HVCN1: variants seen among roughly 807,000 people sequenced by gnomAD.
HVCN1 encodes voltage-gated hydrogen channel 1.
HVCN1 carries 14 observed loss-of-function variants against 29.2 expected under a neutral mutation model. The observed-to-expected ratio is 0.48, with a 90% CI of 0.32 to 0.75. The LOEUF (loss-of-function observed/expected upper bound fraction) is 0.75, where lower values mean the gene tolerates loss of function less well. Among genes scored for constraint, HVCN1 ranks in the 30% least tolerant of loss-of-function variants. The pLI is 0.04. For synonymous variants in HVCN1, 131 were observed against 133.2 expected (o/e 0.98, Z 0.11); for missense variants, 263 against 341.8 (o/e 0.77, Z 1.82).
At position 110,648,942 on chromosome 12, in the gene HVCN1, T is replaced by C. The variant is rs188817891; in HGVS notation, c.*468A>G. Reference sequence around the variant, plus strand: ...CACAGAGGAGGGGCCTGGGTACCCCTTTTGGGGAAACTGAGACGAAGCTAT... The same window carrying C: ...CACAGAGGAGGGGCCTGGGTACCCCCTTTGGGGAAACTGAGACGAAGCTAT... On this transcript the variant is annotated 3_prime_UTR_variant, in exon 8 of 8. Coordinates refer to ENST00000242607, the MANE Select transcript of HVCN1 (RefSeq NM_032369.4). The C allele has an allele frequency of 1.8e-3, 787 of 426,370 alleles. 2 individuals carry two copies. Among genetic ancestry groups the C allele is most frequent in the South Asian group, 2.6e-3 (148 of 57,976 alleles). The allele number at this position is 426,370 out of a possible 1,614,324, so 26.4% of individuals were successfully genotyped here. A position where few individuals can be genotyped will look rare whatever the true frequency, so the allele number is the denominator to read the frequency against.
chr12:110,672,911 C>G (rs1009657526), intron 3 of HVCN1, among the ~76,000 whole-genome samples: 3 of 152,170 alleles, frequency 2.0e-5, no homozygotes, highest in African/African-American at 7.2e-5. Flanking sequence ...AATTAAACCT[C>G]TTTTTCTTCC....
At chr12:110,703,304 G>C (rs185344232) in intron 1 of HVCN1, among the ~76,000 whole-genome samples, 1 of 151,242 alleles carries the variant, frequency 6.6e-6, no homozygotes, top group African/African-American at 2.4e-5. Context: ...TGGGAGGATT[G>C]CCTGAGCCCT....
chr12:110,667,512 C>T (rs2068412760), intron 3 of HVCN1, among the ~76,000 whole-genome samples: 2 of 152,196 alleles, frequency 1.3e-5, no homozygotes, highest in Non-Finnish European at 2.9e-5. Context: ...TCACTGCAGC[C>T]TTGACCTCCC....
intron 2 of HVCN1, among the ~76,000 whole-genome samples, chr12:110,683,744 C>T (rs56759833): frequency 1.3e-5 from 2 of 151,906 alleles, no homozygotes; most frequent in Non-Finnish European, 2.9e-5. Flanking sequence ...AAACCCGTCT[C>T]TACTAAAAAT....
chr12:110,670,502 G>A (rs1288350354), intron 3 of HVCN1, among the ~76,000 whole-genome samples: 2 of 152,162 alleles, frequency 1.3e-5, no homozygotes, highest in Non-Finnish European at 2.9e-5. Context: ...TCAGCATGCT[G>A]CTAACTTCCT....
chr12:110,701,131 T>G (rs185220604), intron 2 of HVCN1, among the ~76,000 whole-genome samples: 2 of 149,002 alleles, frequency 1.3e-5, no homozygotes, highest in East Asian at 3.9e-4. Context: ...CTGCGCCCAG[T>G]GCTACCCTGG....
rs562593046 is a variant in HVCN1, at chr12:110,671,130, C to T, written c.22-9682G>A. On this transcript the variant is annotated intron_variant, in intron 3 of 7. Coordinates refer to ENST00000242607, the MANE Select transcript of HVCN1 (RefSeq NM_032369.4). ...TCGCCTGAGGTCAGGAGTTCAAGAC[C>T]AGCCTGCCCAACACATTGAAAACCT... 2.0e-5 allele frequency among the ~76,000 whole-genome samples: 3 copies of T among 152,204 alleles called. No homozygotes were observed. In the East Asian group the frequency reaches 5.8e-4, roughly 29 times the overall value.
upstream of HVCN1, among the ~76,000 whole-genome samples, chr12:110,693,176 C>T (rs1267674863): frequency 6.6e-6 from 1 of 152,034 alleles, no homozygotes; most frequent in Non-Finnish European, 1.5e-5. Flanking sequence ...TAGACATGAG[C>T]CACTGGCCTT....
At chr12:110,694,329 TG>T (rs1216416590), upstream of HVCN1, among the ~76,000 whole-genome samples, 2 of 152,226 alleles carry the variant, frequency 1.3e-5, no homozygotes, top group African/African-American at 4.8e-5. This position sits in a 1 kb window ranked among gnomAD's most constrained non-coding sequence, Gnocchi z 4.6. Flanking sequence ...CTCAAAGTGC[TG>T]GGATTCTAGG....
At chr12:110,686,417 T>G (rs910695053) in intron 2 of HVCN1, among the ~76,000 whole-genome samples, 2 of 152,218 alleles carry the variant, frequency 1.3e-5, no homozygotes, top group African/African-American at 4.8e-5. Flanking sequence ...TCTCGCTGGT[T>G]GACTGGCAGA....
chr12:110,650,792 C>T (rs1050257592), intron 6 of HVCN1, among the ~76,000 whole-genome samples: 50 of 151,264 alleles, frequency 3.3e-4, no homozygotes, highest in Non-Finnish European at 8.8e-5. Flanking sequence ...ATCCTGGGCT[C>T]AAGCAATCCT....
Position 110,650,269 on chromosome 12 carries a change from A to T in HVCN1, c.655T>A (p.Ser219Thr), listed in dbSNP as rs1279045754. The T allele has an allele frequency of 6.2e-7, 1 of 1,606,576 alleles. No individual in the cohort carries two copies. The highest frequency in any genetic ancestry group is 8.5e-7 in the Non-Finnish European group (1 of 1,173,466). ...TGCCGTTCTGAACGTGTCTTAACTG[A>T]GATGATAATCCCTGAAATAAAATTG... ...VARIINGIII[S>T]VKTRSERQLL... The change falls in exon 7 of 8, where the codon TCA becomes ACA. Residue 219 changes from serine (S) to threonine (T), a missense_variant. This residue lies in a region of HVCN1 where 55 missense variants were observed against 109.4 expected (regional missense o/e 0.50). Transcript: ENST00000242607.
intron 2 of HVCN1, among the ~76,000 whole-genome samples, chr12:110,695,371 T>TACACAC (rs59165683): frequency 5.1e-4 from 76 of 148,056 alleles, no homozygotes; most frequent in African/African-American, 5.4e-4. Context: ...TTATTTTGTG[T>TACACAC]ACACACACAC....
At position 110,655,335 on chromosome 12, in the gene HVCN1, T is replaced by C. The variant is rs1317210640; in HGVS notation, c.310A>G (p.Ile104Val). 6.2e-7 allele frequency: 1 copy of C among 1,613,152 alleles called. No individual in the cohort carries two copies. Among genetic ancestry groups the C allele is most frequent in the South Asian group, 1.1e-5 (1 of 91,064 alleles). Reference sequence around the variant, plus strand: ...TCCAGAACCACCAAGCAGATGATGATGACCTGTGGGCCGAGGGAAGGTGCC... The same window carrying C: ...TCCAGAACCACCAAGCAGATGATGACGACCTGTGGGCCGAGGGAAGGTGCC... ...KLFSSHRFQV[I>V]IICLVVLDAL... Residue 104 changes from isoleucine to valine, a missense_variant, in exon 5 of 8, where the codon ATC becomes GTC. Physicochemically the swap from Ile to Val is conservative, Grantham distance 29 (BLOSUM62 3). This residue lies in a region of HVCN1 where 157 missense variants were observed against 181.3 expected (regional missense o/e 0.87). Coordinates refer to ENST00000242607, the MANE Select transcript of HVCN1 (RefSeq NM_032369.4).
At chr12:110,704,480 T>C (rs2069588631) in intron 1 of HVCN1, among the ~76,000 whole-genome samples, 1 of 151,262 alleles carries the variant, frequency 6.6e-6, no homozygotes, top group Admixed American at 6.6e-5. Context: ...CAAGACCCTG[T>C]CTCTACCAAT....
intron 5 of HVCN1, among the ~76,000 whole-genome samples, chr12:110,654,389 C>T (rs951429846): frequency 1.3e-5 from 2 of 151,844 alleles, no homozygotes; most frequent in Non-Finnish European, 2.9e-5. Flanking sequence ...GCCGTTTTCA[C>T]CACTTGCAAA....
chr12:110,652,760 C>T (rs909400702), intron 5 of HVCN1, among the ~76,000 whole-genome samples: 3 of 152,304 alleles, frequency 2.0e-5, no homozygotes, highest in Non-Finnish European at 2.9e-5. Context: ...CACCATTTTG[C>T]ATTCCCTAGT....
chr12:110,655,376 C>T (rs746583970), intron 4 of HVCN1, 38 bp from the exon 5 acceptor site: 3 of 1,440,392 alleles, frequency 2.1e-6, no homozygotes, highest in East Asian at 4.6e-5. Context: ...TCATGAGACC[C>T]CCACAGAGGC....
In HVCN1 at chr12:110,661,230, G is replaced by A. The variant is rs138491014; in HGVS notation, c.240C>T (p.Pro80=). 47 of 1,613,682 alleles carry A rather than the reference G, an allele frequency of 2.9e-5. No homozygotes were observed. The African/African-American group carries it at 5.1e-4, about 17-fold the overall frequency. ...TGAAGTCAAGGGGGGCCCTGGGTGC[G>A]GGGCCAGGGGCAGGGGCAACGTCAG... ...AAPDVAPAPG[P]APRAPLDFRG... The change falls in exon 4 of 8, where the codon CCC becomes CCT. Residue 80 remains proline (P), a synonymous_variant. Coordinates refer to ENST00000242607, the MANE Select transcript of HVCN1 (RefSeq NM_032369.4). This position sits in a 1 kb window ranked among gnomAD's most constrained non-coding sequence, Gnocchi z 6.2.
Sources: gnomAD v4.1 joint callset for allele counts (sites outside exome capture counted in the v4.1 genomes callset) on GRCh38, gnomAD v4.1.1 for gene constraint, gnomAD v4.1.1 regional missense constraint, Gnocchi (gnomAD v3.1) non-coding constraint, MANE v1.5 for transcripts, NCBI Gene and HGNC (gene_info 2026-07-23, HGNC 2026-07-21) for gene names.